The following SERGEF variants were observed in gnomAD, a reference collection of about 807,000 sequenced individuals.
SERGEF encodes the protein secretion regulating guanine nucleotide exchange factor.
Under a neutral mutation model 50.0 loss-of-function variants are expected in SERGEF, and 51 were observed. The observed-to-expected ratio is 1.02, with a 90% CI of 0.81 to 1.29. The LOEUF (loss-of-function observed/expected upper bound fraction) is 1.29, where lower values mean the gene tolerates loss of function less well. Ranked by LOEUF, SERGEF falls within the 50% of genes most tolerant of loss-of-function variation. SERGEF has a pLI of 0.00. For missense variants in SERGEF, 521 were observed against 557.0 expected (o/e 0.94, Z 0.65); for synonymous variants, 205 against 212.4 (o/e 0.97, Z 0.30).
chr11:17,868,761 A>T (rs12275871), intron 10 of SERGEF, among the ~76,000 whole-genome samples: 9 of 151,880 alleles, frequency 5.9e-5, no homozygotes, highest in Admixed American at 1.3e-4. Flanking sequence ...GAAAGCAAGG[A>T]GGAGAAAGTC....
At chr11:17,983,506 C>T (rs1853532062) in intron 8 of SERGEF, among the ~76,000 whole-genome samples, 1 of 152,180 alleles carries the variant, frequency 6.6e-6, no homozygotes, top group Non-Finnish European at 1.5e-5. Flanking sequence ...GTGCTGGATG[C>T]TTTAATACAT....
At chr11:17,970,590 G>A (rs936574768) in intron 8 of SERGEF, among the ~76,000 whole-genome samples, 4 of 152,196 alleles carry the variant, frequency 2.6e-5, no homozygotes, top group African/African-American at 7.2e-5. Flanking sequence ...AGCCAAGATA[G>A]GCTAAAAAGC....
chr11:17,844,011 T>C (rs1312501592), intron 10 of SERGEF, among the ~76,000 whole-genome samples: 1 of 152,130 alleles, frequency 6.6e-6, no homozygotes. Flanking sequence ...GATCTGGAAG[T>C]GGGCCCAGGA....
At position 17,900,911 on chromosome 11, in the gene SERGEF, G is replaced by C. The variant is rs1037677591; in HGVS notation, c.1012-22667C>G. Among the ~76,000 whole-genome samples, 10 of 152,112 alleles carry C rather than the reference G, an allele frequency of 6.6e-5. No homozygotes were observed. The South Asian group carries it at 1.0e-3, about 16-fold the overall frequency. On this transcript the variant is annotated intron_variant, in intron 9 of 10. Coordinates refer to ENST00000265965, the MANE Select transcript of SERGEF (RefSeq NM_012139.4). ...CTTAATAAAGAGGGAGGAGAGAAGG[G>C]GACCAGGAATGGTGGCAGTCGTGGT...
intron 10 of SERGEF, among the ~76,000 whole-genome samples, chr11:17,788,786 C>T (rs1849431328): frequency 6.6e-6 from 1 of 152,232 alleles, no homozygotes; most frequent in South Asian, 2.1e-4. Flanking sequence ...CAGCTCCAGC[C>T]TCATCCAGGC....
intron 10 of SERGEF, among the ~76,000 whole-genome samples, chr11:17,833,547 G>C (rs1191122405): frequency 1.3e-5 from 2 of 152,200 alleles, no homozygotes; most frequent in African/African-American, 2.4e-5. Context: ...CCAGAACCCA[G>C]AATGGTGGAT....
rs184533493 is a variant in SERGEF, at chr11:17,846,491, A to G, written c.1048+31717T>C. ...CTGGGTCTTTCCTGTCCTGATTCAG[A>G]TAAGTTCAGATGGAGAACACCATCT... On this transcript the variant is annotated intron_variant, in intron 10 of 10. Coordinates refer to ENST00000265965, the MANE Select transcript of SERGEF (RefSeq NM_012139.4). The G allele has an allele frequency of 2.8e-5, 10 of 355,418 alleles. No individual in the cohort carries two copies. In the East Asian group the frequency reaches 6.6e-4, roughly 24 times the overall value. The allele number at this position is 355,418 out of a possible 1,614,324, so 22.0% of individuals were successfully genotyped here.
intron 9 of SERGEF, among the ~76,000 whole-genome samples, chr11:17,952,662 C>T (rs1852793308): frequency 6.6e-6 from 1 of 152,196 alleles, no homozygotes; most frequent in Non-Finnish European, 1.5e-5. Context: ...TGTTTTCATG[C>T]TCTTTGACCA....
At chr11:17,794,026 G>T (rs1205098451) in intron 10 of SERGEF, among the ~76,000 whole-genome samples, 1 of 152,234 alleles carries the variant, frequency 6.6e-6, no homozygotes, top group Non-Finnish European at 1.5e-5. Flanking sequence ...ATGGTGCTGG[G>T]ACTGCAGCCC....
At chr11:17,879,260 G>T (rs1163376038) in intron 9 of SERGEF, among the ~76,000 whole-genome samples, 3 of 152,218 alleles carry the variant, frequency 2.0e-5, no homozygotes, top group Non-Finnish European at 4.4e-5. Flanking sequence ...CTAGCAGGAG[G>T]AAGTGACTGG....
At chr11:17,946,054 A>C (rs1417855229) in intron 9 of SERGEF, among the ~76,000 whole-genome samples, 17 of 152,326 alleles carry the variant, frequency 1.1e-4, no homozygotes, top group Admixed American at 3.3e-4. Flanking sequence ...AGCTCTAGCC[A>C]ACTAGAATGG....
intron 9 of SERGEF, among the ~76,000 whole-genome samples, chr11:17,957,321 C>T (rs1020809818): frequency 6.6e-6 from 1 of 152,168 alleles, no homozygotes. Flanking sequence ...TTCTGAGTGC[C>T]TACTAAGTCA....
chr11:17,998,480 TATATATATG>T (rs2134006075), intron 5 of SERGEF, among the ~76,000 whole-genome samples: 1 of 108,340 alleles, frequency 9.2e-6, no homozygotes, highest in South Asian at 3.1e-4. Flanking sequence ...TATATATATA[TATATATATG>T]CATGTGTGAG....
rs573764709 is a variant in SERGEF at position 17,792,130 on chromosome 11, G to A, written c.1049-3717C>T. ...TCAAGAGGGTAGCTGGCTGGGCCCC[G>A]GGATTACCCTTCCCTTCCCTTTCCC... On this transcript the variant is annotated intron_variant, in intron 10 of 10. Coordinates refer to ENST00000265965, the MANE Select transcript of SERGEF (RefSeq NM_012139.4). 5.9e-5 allele frequency among the ~76,000 whole-genome samples: 9 copies of A among 152,332 alleles called. No homozygotes were observed. In the South Asian group the frequency reaches 1.9e-3, roughly 32 times the overall value.
At chr11:17,836,526 C>T (rs1342551771) in intron 10 of SERGEF, among the ~76,000 whole-genome samples, 2 of 152,226 alleles carry the variant, frequency 1.3e-5, no homozygotes, top group Non-Finnish European at 2.9e-5. Flanking sequence ...TTTAAGACCT[C>T]TATTGGTTCC....
At chr11:17,996,762 A>C (rs1853845566) in intron 5 of SERGEF, among the ~76,000 whole-genome samples, 1 of 152,226 alleles carries the variant, frequency 6.6e-6, no homozygotes, top group Non-Finnish European at 1.5e-5. Flanking sequence ...ATGTGAGCAA[A>C]GCACAGTGTT....
At chr11:17,946,425 T>G (rs1361226798) in intron 9 of SERGEF, among the ~76,000 whole-genome samples, 3 of 152,214 alleles carry the variant, frequency 2.0e-5, no homozygotes, top group Non-Finnish European at 4.4e-5. Flanking sequence ...GGACTTGGTG[T>G]ATGCTACCTG....
chr11:17,988,847 A>T (rs1417553530), intron 7 of SERGEF, 92 bp from the exon 8 acceptor site: 1 of 1,338,058 alleles, frequency 7.5e-7, no homozygotes, highest in East Asian at 2.4e-5. Context: ...AGTGGTTAAA[A>T]GAAGTTGTTT....
chr11:17,798,058 G>A (rs1457964934), intron 10 of SERGEF, among the ~76,000 whole-genome samples: 1 of 152,180 alleles, frequency 6.6e-6, no homozygotes, highest in African/African-American at 2.4e-5. Flanking sequence ...GAAGAGGAGA[G>A]TGGGCAGATA....
Sources: gnomAD v4.1 joint callset for allele counts (sites outside exome capture counted in the v4.1 genomes callset) on GRCh38, gnomAD v4.1.1 for gene constraint, MANE v1.5 for transcripts, NCBI Gene and HGNC (gene_info 2026-07-23, HGNC 2026-07-21) for gene names.